POLR3B: variants seen among roughly 807,000 people sequenced by gnomAD.
POLR3B encodes DNA-directed RNA polymerase III subunit RPC2.
POLR3B carries 96 observed loss-of-function variants against 147.4 expected under a neutral mutation model. The ratio of observed to expected loss-of-function variants is 0.65; its 90% CI spans 0.55 to 0.77. The LOEUF is 0.77. Ranked by LOEUF, POLR3B falls within the 30% of genes least tolerant of loss-of-function variation. The pLI, the probability that POLR3B is intolerant of heterozygous loss-of-function variation, is 0.00. For synonymous variants in POLR3B, 461 were observed against 485.9 expected, an observed-to-expected ratio of 0.95 and a Z score of 0.67; for missense variants, 1,036 against 1,413.5, an observed-to-expected ratio of 0.73 and a Z score of 4.28.
intron 11 of POLR3B, among the ~76,000 whole-genome samples, chr12:106,407,390 T>G (rs2037164573): frequency 6.6e-6 from 1 of 152,214 alleles, no homozygotes; most frequent in African/African-American, 2.4e-5. Flanking sequence ...AGATATAATA[T>G]ACGTAAAGCT....
At chr12:106,375,099 A>G (rs1003531293) in intron 6 of POLR3B, among the ~76,000 whole-genome samples, 4 of 152,226 alleles carry the variant, frequency 2.6e-5, no homozygotes, top group Admixed American at 1.3e-4. Context: ...CAGAATACAC[A>G]AATCGAGGTT....
chr12:106,463,202 G>A (rs528445151), intron 22 of POLR3B, among the ~76,000 whole-genome samples: 1 of 152,238 alleles, frequency 6.6e-6, no homozygotes, highest in South Asian at 2.1e-4. Flanking sequence ...ACCCCTCTAA[G>A]CATCAGTTTT....
At position 106,437,773 on chromosome 12, in the gene POLR3B, TTAA is replaced by T; in HGVS notation, c.1953_1955del (p.Asn651del). The T allele has an allele frequency of 6.4e-7, 1 of 1,551,990 alleles. No individual in the cohort carries two copies. The highest frequency in any genetic ancestry group is 1.4e-5 in the African/African-American group (1 of 73,884). On this transcript the variant is annotated inframe_deletion, in exon 18 of 28. Coordinates refer to ENST00000228347, the MANE Select transcript of POLR3B (RefSeq NM_018082.6). ...AACATTGCACTGTACGAACACACAA[TTAA>T]TAAGTAAGTAGGATCCATAGCAACC... is the stretch of plus-strand genomic sequence containing the variant.
At chr12:106,463,384 T>C (rs1431522860) in intron 22 of POLR3B, 94 bp from the exon 23 acceptor site, 45 of 1,099,898 alleles carry the variant, frequency 4.1e-5, no homozygotes, top group Non-Finnish European at 2.7e-6. Context: ...GTCAGAATAC[T>C]CTATGGTAGG....
chr12:106,369,820 A>T, intron 6 of POLR3B, 137 bp downstream of exon 6: 1 of 695,348 alleles, frequency 1.4e-6, no homozygotes, highest in Non-Finnish European at 2.6e-6. Flanking sequence ...TAAAGCACTT[A>T]GAATAATGTC....
intron 16 of POLR3B, among the ~76,000 whole-genome samples, chr12:106,436,441 G>A (rs2137008146): frequency 6.6e-6 from 1 of 152,256 alleles, no homozygotes; most frequent in Non-Finnish European, 1.5e-5. Flanking sequence ...AAGTAAGAAA[G>A]CTTCATTCTC....
intron 6 of POLR3B, among the ~76,000 whole-genome samples, chr12:106,371,915 T>C (rs1374318852): frequency 6.6e-6 from 1 of 151,918 alleles, no homozygotes; most frequent in Non-Finnish European, 1.5e-5. Flanking sequence ...GTTGTGCACA[T>C]GTACCCTAAA....
At chr12:106,384,424 A>G (rs140190846) in intron 9 of POLR3B, among the ~76,000 whole-genome samples, 8 of 152,358 alleles carry the variant, frequency 5.3e-5, no homozygotes, top group Non-Finnish European at 1.0e-4. Flanking sequence ...TAAAATTTAT[A>G]CATAACCCCA....
chr12:106,458,307 A>G (rs965321069), intron 21 of POLR3B, among the ~76,000 whole-genome samples: 3 of 151,858 alleles, frequency 2.0e-5, no homozygotes, highest in Admixed American at 6.6e-5. Flanking sequence ...TATTTTTTGT[A>G]GAGATGAGGT....
At chr12:106,398,312 A>C (rs1306300467) in intron 10 of POLR3B, among the ~76,000 whole-genome samples, 1 of 152,234 alleles carries the variant, frequency 6.6e-6, no homozygotes, top group East Asian at 1.9e-4. Context: ...CCGAGACTTG[A>C]TTAGGTAAAC....
intron 9 of POLR3B, among the ~76,000 whole-genome samples, chr12:106,382,617 C>T (rs371848188): frequency 1.9e-4 from 29 of 152,180 alleles, no homozygotes; most frequent in African/African-American, 6.8e-4. Context: ...AGTTCATTAT[C>T]AATGAGTAGT....
chr12:106,413,396 A>AT (rs1250643909), intron 12 of POLR3B, among the ~76,000 whole-genome samples: 1 of 151,802 alleles, frequency 6.6e-6, no homozygotes, highest in African/African-American at 2.4e-5. Flanking sequence ...GTTTGTTTTT[A>AT]TTTTTTTACT....
chr12:106,459,121 T>C (rs2037902376), intron 21 of POLR3B, 130 bp from the exon 22 acceptor site: 1 of 702,080 alleles, frequency 1.4e-6, no homozygotes. Context: ...CAACCTAGGT[T>C]CAAGCAGTCC....
chr12:106,363,446 A>G (rs1028963017), intron 1 of POLR3B, among the ~76,000 whole-genome samples: 1 of 152,202 alleles, frequency 6.6e-6, no homozygotes, highest in South Asian at 2.1e-4. Context: ...ATCCTTCTGT[A>G]GCCCTGAGAT....
At chr12:106,448,570 G>A (rs1257415129) in intron 19 of POLR3B, among the ~76,000 whole-genome samples, 1 of 149,828 alleles carries the variant, frequency 6.7e-6, no homozygotes, top group African/African-American at 2.5e-5. Context: ...CTGAGTAGCT[G>A]GGACTACAGA....
At chr12:106,394,502 C>T (rs1361527717) in intron 10 of POLR3B, among the ~76,000 whole-genome samples, 1 of 152,172 alleles carries the variant, frequency 6.6e-6, no homozygotes, top group African/African-American at 2.4e-5. Flanking sequence ...TTGGGAGATA[C>T]CCTATTCTTT....
At chr12:106,468,461 T>C (rs893426552) in intron 23 of POLR3B, among the ~76,000 whole-genome samples, 1 of 152,338 alleles carries the variant, frequency 6.6e-6, no homozygotes, top group East Asian at 1.9e-4. Context: ...TCAGTTCTGC[T>C]CTGATCTTAG....
At chr12:106,482,220 A>G (rs886157720) in intron 23 of POLR3B, among the ~76,000 whole-genome samples, 1 of 152,264 alleles carries the variant, frequency 6.6e-6, no homozygotes, top group Non-Finnish European at 1.5e-5. Context: ...TTTTATAAAT[A>G]AAATTCTAAA....
intron 23 of POLR3B, among the ~76,000 whole-genome samples, chr12:106,466,139 G>A (rs532604064): frequency 1.3e-5 from 2 of 152,042 alleles, no homozygotes; most frequent in South Asian, 4.2e-4. Context: ...TTTAATGATC[G>A]CCATTCTAAC....
Sources: gnomAD v4.1 joint callset for allele counts (sites outside exome capture counted in the v4.1 genomes callset) on GRCh38, gnomAD v4.1.1 for gene constraint, MANE v1.5 for transcripts, NCBI Gene and HGNC (gene_info 2026-07-23, HGNC 2026-07-21) for gene names.